The following TMPRSS12 variants were observed in gnomAD, a reference collection of about 807,000 sequenced individuals.
TMPRSS12 encodes transmembrane serine protease 12.
TMPRSS12 carries 25 observed loss-of-function variants against 26.0 expected under a neutral mutation model. The ratio of observed to expected loss-of-function variants is 0.96; its 90% CI spans 0.70 to 1.34. TMPRSS12 has a LOEUF of 1.34. TMPRSS12 is among the 40% of genes most tolerant of loss of function. The pLI, the probability that TMPRSS12 is intolerant of heterozygous loss-of-function variation, is 0.00. For synonymous variants in TMPRSS12, 150 were observed against 161.7 expected (o/e 0.93, Z 0.55); for missense variants, 441 against 440.1 (o/e 1.00, Z -0.02).
chr12:50,851,929 A>T (rs1592217386), intron 2 of TMPRSS12, among the ~76,000 whole-genome samples: 1 of 152,328 alleles, frequency 6.6e-6, no homozygotes, highest in East Asian at 1.9e-4. Context: ...CCAACCAAGA[A>T]TTTCATATCC....
intron 3 of TMPRSS12, among the ~76,000 whole-genome samples, chr12:50,875,073 G>C (rs1055072557): frequency 1.6e-4 from 25 of 151,962 alleles, no homozygotes; most frequent in African/African-American, 5.6e-4. Flanking sequence ...TTTTTCACAG[G>C]TCTAGAAAAA....
At chr12:50,878,661 G>A (rs766591749) in intron 3 of TMPRSS12, among the ~76,000 whole-genome samples, 5 of 152,088 alleles carry the variant, frequency 3.3e-5, no homozygotes, top group Non-Finnish European at 7.4e-5. Flanking sequence ...TTATATTTAT[G>A]GCCAGTTGAT....
At chr12:50,874,387 CA>C (rs1227559818) in intron 3 of TMPRSS12, among the ~76,000 whole-genome samples, 1 of 151,916 alleles carries the variant, frequency 6.6e-6, no homozygotes, top group Non-Finnish European at 1.5e-5. Context: ...GGAATTTCTT[CA>C]AAAAATGCAA....
chr12:50,858,404 A>C (rs909809644), intron 2 of TMPRSS12, among the ~76,000 whole-genome samples: 5 of 152,184 alleles, frequency 3.3e-5, no homozygotes, highest in African/African-American at 1.2e-4. Context: ...AGATTTGTAC[A>C]TTTAAATATT....
Position 50,858,968 on chromosome 12 carries a change from T to G in TMPRSS12, c.567T>G (p.Pro189=), listed in dbSNP as rs746376371. ...KAVRYNDYIQ[P]ICLPFDVFQI... The stretch of plus-strand genomic sequence containing the variant: ...TGAGGTATAATGACTATATTCAGCC[T>G]ATTTGCCTACCTTTTGATGTTTTCC... Residue 189 remains proline (P), a synonymous_variant, in exon 3 of 5, where the codon CCT becomes CCG. Transcript: ENST00000398458. 22 of 1,596,960 alleles carry G rather than the reference T, an allele frequency of 1.4e-5. No homozygotes were observed. Among genetic ancestry groups the G allele is most frequent in the Non-Finnish European group, 1.9e-5 (22 of 1,170,950 alleles).
chr12:50,871,423 G>T (rs192209300), intron 3 of TMPRSS12, among the ~76,000 whole-genome samples: 1 of 152,062 alleles, frequency 6.6e-6, no homozygotes, highest in Non-Finnish European at 1.5e-5. Flanking sequence ...GATTCTTGTC[G>T]CTCACTTTGT....
chr12:50,860,702 T>C (rs1446758401), intron 3 of TMPRSS12, among the ~76,000 whole-genome samples: 5 of 152,288 alleles, frequency 3.3e-5, no homozygotes, highest in East Asian at 3.9e-4. Flanking sequence ...CTTTACCTCC[T>C]GGTCTCAAGT....
Position 50,859,539 on chromosome 12 carries a change from G to A in TMPRSS12, c.652+486G>A, listed in dbSNP as rs1194091277. On this transcript the variant is annotated intron_variant, in intron 3 of 4. Coordinates refer to ENST00000398458, the MANE Select transcript of TMPRSS12 (RefSeq NM_182559.3). Reference sequence around the variant, plus strand: ...CATTCAGCTAATTTTTGTATTTGTAGTAAAGACAGGGTTTCACCATGTTGA... The same window carrying A: ...CATTCAGCTAATTTTTGTATTTGTAATAAAGACAGGGTTTCACCATGTTGA... 3.9e-5 allele frequency among the ~76,000 whole-genome samples: 6 copies of A among 152,022 alleles called. No homozygotes were observed. The East Asian group carries it at 7.7e-4, about 20-fold the overall frequency.
chr12:50,844,497 C>T (rs967765766), intron 2 of TMPRSS12, among the ~76,000 whole-genome samples: 9 of 152,016 alleles, frequency 5.9e-5, no homozygotes, highest in African/African-American at 7.2e-5. Flanking sequence ...CCTCAGCCCC[C>T]GGAGTAGCTG....
intron 3 of TMPRSS12, among the ~76,000 whole-genome samples, chr12:50,877,180 ATC>A (rs2139735297): frequency 6.6e-6 from 1 of 152,208 alleles, no homozygotes; most frequent in East Asian, 1.9e-4. Context: ...TCATGCATAT[ATC>A]TAGGTAACAC....
chr12:50,885,262 T>C lies in TMPRSS12; in HGVS notation c.669T>C (p.Ile223=). 6.3e-7 allele frequency: 1 copy of C among 1,597,428 alleles called. No homozygotes were observed. The highest frequency in any genetic ancestry group is 8.5e-7 in the Non-Finnish European group (1 of 1,173,322). ...RTKEEGNATN[I]LQDAEVHYIS... ...TGTTAACAGGTAACGCTACAAATAT[T>C]TTACAAGATGCAGAAGTGCATTATA... Residue 223 remains isoleucine (I), a synonymous_variant, in exon 4 of 5, where the codon ATT becomes ATC. Coordinates refer to ENST00000398458, the MANE Select transcript of TMPRSS12 (RefSeq NM_182559.3).
chr12:50,872,800 A>G (rs374889687), intron 3 of TMPRSS12, among the ~76,000 whole-genome samples: 1 of 103,720 alleles, frequency 9.6e-6, no homozygotes, highest in African/African-American at 3.6e-5. Context: ...TGACGTATAT[A>G]TGTACATATA....
chr12:50,843,184 C>G, intron 1 of TMPRSS12, 33 bp downstream of exon 1: 2 of 1,508,594 alleles, frequency 1.3e-6, no homozygotes, highest in Non-Finnish European at 1.8e-6. Context: ...TCTGGGGAGC[C>G]TCTCTTACCT....
Position 50,887,321 on chromosome 12 carries a change from G to A in TMPRSS12, c.855G>A (p.Met285Ile), listed in dbSNP as rs1938236787. 1 of 1,613,720 alleles carries A rather than the reference G, an allele frequency of 6.2e-7. No homozygotes were observed. The highest frequency in any genetic ancestry group is 8.5e-7 in the Non-Finnish European group (1 of 1,179,848). ...CAGAATATAAAAGATTTTTTGTAATGGGAATTACCAGTTACGGACATGGCT... is the reference window on the plus strand; with the variant it reads ...CAGAATATAAAAGATTTTTTGTAATAGGAATTACCAGTTACGGACATGGCT... ...YLPEYKRFFVMGITSYGHGCG... is the reference protein window; with the variant it reads ...YLPEYKRFFVIGITSYGHGCG... Residue 285 changes from methionine (M) to isoleucine (I), a missense_variant, in exon 5 of 5, where the codon ATG (methionine) becomes ATA (isoleucine). Coordinates refer to ENST00000398458, the MANE Select transcript of TMPRSS12 (RefSeq NM_182559.3).
intron 3 of TMPRSS12, among the ~76,000 whole-genome samples, chr12:50,874,624 A>G (rs957369799): frequency 3.2e-4 from 49 of 152,330 alleles, no homozygotes; most frequent in African/African-American, 1.1e-3. Context: ...CAGCCAAACT[A>G]TCTGTCTTCA....
chr12:50,856,948 CCAAAGTG>C (rs1186586849), intron 2 of TMPRSS12, among the ~76,000 whole-genome samples: 2 of 152,112 alleles, frequency 1.3e-5, no homozygotes, highest in Admixed American at 1.3e-4. Flanking sequence ...TCTCGGCCTC[CCAAAGTG>C]TTGGGATTAC....
chr12:50,860,813 G>A (rs1240380803), intron 3 of TMPRSS12, among the ~76,000 whole-genome samples: 1 of 152,068 alleles, frequency 6.6e-6, no homozygotes, highest in Admixed American at 6.6e-5. Context: ...GTCTTGCCAT[G>A]TTTCCTAGAC....
chr12:50,878,498 A>G (rs534922656), intron 3 of TMPRSS12, among the ~76,000 whole-genome samples: 38 of 152,346 alleles, frequency 2.5e-4, no homozygotes, highest in African/African-American at 8.7e-4. Flanking sequence ...AGGTCACTTG[A>G]GCTCAAGAGT....
chr12:50,884,876 A>AT (rs200730499), intron 3 of TMPRSS12, among the ~76,000 whole-genome samples: 8,922 of 133,360 alleles, frequency 0.067, 294 homozygotes, highest in Middle Eastern at 0.11. Flanking sequence ...CATCTCAAAA[A>AT]TTAAAAAAAA....
Sources: allele counts gnomAD v4.1 joint callset (sites outside exome capture counted in the v4.1 genomes callset), GRCh38; gene constraint gnomAD v4.1.1; transcripts MANE v1.5; gene names NCBI Gene and HGNC (gene_info 2026-07-23, HGNC 2026-07-21).